The following FIBCD1 variants were observed in gnomAD, a reference collection of about 807,000 sequenced individuals.
FIBCD1 encodes fibrinogen C domain-containing protein 1.
A neutral mutation model predicts 45.1 loss-of-function variants in FIBCD1; 47 were observed. The ratio of observed to expected loss-of-function variants is 1.04; its 90% CI spans 0.82 to 1.33. The LOEUF is 1.33. FIBCD1 is among the 40% of genes most tolerant of loss of function. FIBCD1 has a pLI of 0.00. For missense variants in FIBCD1, 653 were observed against 682.2 expected (o/e 0.96, Z 0.48); for synonymous variants, 313 against 308.1 (o/e 1.02, Z -0.17).
At chr9:130,932,114 C>A (rs1237816073) in intron 1 of FIBCD1, among the ~76,000 whole-genome samples, 6 of 152,226 alleles carry the variant, frequency 3.9e-5, no homozygotes, top group Admixed American at 2.6e-4. Flanking sequence ...ATCTTACAAT[C>A]GTAATTGACA....
intron 1 of FIBCD1, among the ~76,000 whole-genome samples, chr9:130,931,972 A>G (rs1588113542): frequency 6.6e-6 from 1 of 152,382 alleles, no homozygotes. Flanking sequence ...GGCTTTCATT[A>G]TCCCATGATC....
At chr9:130,921,617 G>A (rs955195462) in intron 4 of FIBCD1, among the ~76,000 whole-genome samples, 13 of 152,258 alleles carry the variant, frequency 8.5e-5, no homozygotes, top group South Asian at 2.1e-4. Context: ...TTGACTTCCC[G>A]GGAGATTGGC....
chr9:130,925,918 C>G (rs370965337), intron 2 of FIBCD1, among the ~76,000 whole-genome samples: 3 of 152,210 alleles, frequency 2.0e-5, no homozygotes, highest in Admixed American at 1.3e-4. Context: ...AAATATGATT[C>G]CCGGCTCGTC....
intron 4 of FIBCD1, among the ~76,000 whole-genome samples, chr9:130,916,075 C>T (rs968868845): frequency 1.3e-5 from 2 of 152,176 alleles, no homozygotes; most frequent in Non-Finnish European, 2.9e-5. Flanking sequence ...ATTACAGGCA[C>T]CTGCCACCAT....
chr9:130,909,284 C>T (rs933634638), intron 5 of FIBCD1, among the ~76,000 whole-genome samples: 1 of 147,002 alleles, frequency 6.8e-6, no homozygotes, highest in African/African-American at 2.5e-5. Context: ...TCGCCCCCAA[C>T]CCCCACAGCT....
chr9:130,932,672 C>A (rs1832460014), intron 1 of FIBCD1, among the ~76,000 whole-genome samples: 1 of 152,214 alleles, frequency 6.6e-6, no homozygotes, highest in Non-Finnish European at 1.5e-5. Flanking sequence ...CTTGGAGGGG[C>A]TCCTCCTCTG....
At chr9:130,906,106 C>T (rs1266757651) in intron 5 of FIBCD1, among the ~76,000 whole-genome samples, 6 of 151,988 alleles carry the variant, frequency 3.9e-5, no homozygotes, top group Non-Finnish European at 8.8e-5. Context: ...AGGGAGTTGG[C>T]GGCACCCTCA....
At position 130,929,796 on chromosome 9, in the gene FIBCD1, A is replaced by G. The variant is rs1832415112; in HGVS notation, c.323T>C (p.Leu108Pro). The change falls in exon 2 of 7, where the codon CTG (leucine) becomes CCG (proline). Residue 108 changes from leucine (L) to proline (P), a missense_variant. Transcript: ENST00000372338. ...CPDLTDSFAR[L>P]ESAQASVLQA... ...CAGCACCGAGGCCTGGGCGCTCTCC[A>G]GGCGTGCGAAGCTGTCGGTGAGGTC... 6.4e-7 allele frequency: 1 copy of G among 1,552,380 alleles called. No homozygotes were observed.
chr9:130,940,353 C>T (rs1335859996), upstream of FIBCD1, among the ~76,000 whole-genome samples: 2 of 152,282 alleles, frequency 1.3e-5, no homozygotes, highest in African/African-American at 4.8e-5. Context: ...CCGCTGGCCT[C>T]ACCTACGGCC....
rs778070714 is a variant in FIBCD1, at chr9:130,904,086, C to T, written c.1364G>A (p.Arg455Gln). ...AGTCTAGCGGTCCTCCCGGACCGGC[C>T]GGATCTTCATCTCAGAGAACTTGAG... The part of the protein sequence containing the change: ...YSLKFSEMKI[R>Q]PVREDR The change falls in exon 7 of 7, where the codon CGG becomes CAG. Residue 455 changes from arginine to glutamine, a missense_variant. Coordinates refer to ENST00000372338, the MANE Select transcript of FIBCD1 (RefSeq NM_032843.5). The T allele has an allele frequency of 8.7e-6, 14 of 1,612,868 alleles. No individual in the cohort carries two copies. Among genetic ancestry groups the T allele is most frequent in the African/African-American group, 1.3e-5 (1 of 74,916 alleles).
At chr9:130,913,207 C>T (rs1305520610) in intron 4 of FIBCD1, among the ~76,000 whole-genome samples, 3 of 151,614 alleles carry the variant, frequency 2.0e-5, no homozygotes, top group Non-Finnish European at 2.9e-5. Flanking sequence ...CAATCCGTCC[C>T]AGCCGGCCTC....
chr9:130,927,628 G>C (rs550865634), intron 2 of FIBCD1, among the ~76,000 whole-genome samples: 1 of 152,208 alleles, frequency 6.6e-6, no homozygotes, highest in Admixed American at 6.5e-5. Context: ...AATCAACCCC[G>C]GCTGGGGGGC....
At chr9:130,925,404 G>A (rs1393017952) in intron 2 of FIBCD1, among the ~76,000 whole-genome samples, 2 of 152,140 alleles carry the variant, frequency 1.3e-5, no homozygotes, top group Non-Finnish European at 2.9e-5. Flanking sequence ...TGGGGACGGG[G>A]CGGTGGTTTG....
rs568093970 is a variant in FIBCD1, at chr9:130,911,873, C to T, written c.865G>A (p.Glu289Lys). ...CGGAAGAAGTTCACGGAGCCGTCCT[C>T]CCGGCGCTGAAACACCTGCAAAGGG... ...GGGWTVFQRR[E>K]DGSVNFFRGW... Residue 289 changes from glutamate (E) to lysine (K), a missense_variant, in exon 5 of 7, where the codon GAG becomes AAG. Glu to Lys is a moderately conservative substitution (Grantham distance 56). Transcript: ENST00000372338. 1.0e-5 allele frequency: 16 copies of T among 1,585,356 alleles called. No homozygotes were observed. The East Asian group carries it at 1.9e-4, about 19-fold the overall frequency.
chr9:130,924,785 C>G (rs1027355013), intron 2 of FIBCD1, among the ~76,000 whole-genome samples: 1 of 152,174 alleles, frequency 6.6e-6, no homozygotes, highest in Non-Finnish European at 1.5e-5. Context: ...CCAGCTGGAG[C>G]CCAACACGTC....
rs1403484071 is a variant in FIBCD1, at chr9:130,922,896, C to T, written c.849+848G>A. On this transcript the variant is annotated intron_variant, in intron 4 of 6. Transcript: ENST00000372338. The surrounding 1 kb of genome is among the most constrained non-coding windows in gnomAD (Gnocchi z 4.5). ...CTCCTTCCTGCCCGCACTCAGAAAT[C>T]CTCCCTGCTTTAATGGCTCATGAGA... Among the ~76,000 whole-genome samples the T allele has an allele frequency of 6.6e-6, 1 of 152,160 alleles. No individual in the cohort carries two copies. The highest frequency in any genetic ancestry group is 2.4e-5 in the African/African-American group (1 of 41,436).
At chr9:130,924,076 C>G (rs1281392611) in intron 3 of FIBCD1, among the ~76,000 whole-genome samples, 161 bp downstream of exon 3, 3 of 152,234 alleles carry the variant, frequency 2.0e-5, no homozygotes, top group African/African-American at 7.2e-5. Flanking sequence ...GGGACTTACT[C>G]TCCTCATCTG....
chr9:130,920,873 G>A (rs949424926), intron 4 of FIBCD1, among the ~76,000 whole-genome samples: 16 of 152,204 alleles, frequency 1.1e-4, no homozygotes, highest in African/African-American at 2.7e-4. Flanking sequence ...CTGGGAGCCC[G>A]CTGAGCTGTC....
chr9:130,916,816 G>A, intron 4 of FIBCD1, among the ~76,000 whole-genome samples: 1 of 152,256 alleles, frequency 6.6e-6, no homozygotes, highest in East Asian at 1.9e-4. Flanking sequence ...GGGGTGGGGA[G>A]TCTGGGCGCG....
Sources: allele counts gnomAD v4.1 joint callset (sites outside exome capture counted in the v4.1 genomes callset), GRCh38; gene constraint gnomAD v4.1.1; non-coding constraint Gnocchi (gnomAD v3.1); transcripts MANE v1.5; gene names NCBI Gene and HGNC (gene_info 2026-07-23, HGNC 2026-07-21).